Variants in KDF1 observed in about 807,000 individuals in gnomAD.
KDF1 encodes the protein RP11-344H11.3.
KDF1 carries 11 observed loss-of-function variants against 31.6 expected under a neutral mutation model. The ratio of observed to expected loss-of-function variants is 0.35; its 90% CI spans 0.22 to 0.58. The LOEUF (loss-of-function observed/expected upper bound fraction) is 0.58, where lower values mean the gene tolerates loss of function less well. Ranked by LOEUF, KDF1 falls within the 20% of genes least tolerant of loss-of-function variation. KDF1 has a pLI of 0.83. For missense variants in KDF1, 476 were observed against 549.1 expected (o/e 0.87, Z 1.33); for synonymous variants, 205 against 214.4 (o/e 0.96, Z 0.38).
rs761892290 is a variant in KDF1 at position 26,951,834 on chromosome 1, C to G, written c.547G>C (p.Asp183His). ...GGCTCCTTGCAGCAGGAGTCCGCAT[C>G]AGGGGCTGGGGAGGTGGCCCTCGGG... ...PYPRATSPAP[D>H]ADSCCKEPLA... Residue 183 changes from aspartate to histidine, a missense_variant, in exon 2 of 4, where the codon GAT (aspartate) becomes CAT (histidine). Asp to His is a moderately conservative substitution (Grantham distance 81). Coordinates refer to ENST00000320567, the MANE Select transcript of KDF1 (RefSeq NM_152365.3). This position sits in a 1 kb window ranked among gnomAD's most constrained non-coding sequence, Gnocchi z 5.4. 1.3e-5 allele frequency: 21 copies of G among 1,613,942 alleles called. No homozygotes were observed. The South Asian group carries it at 1.8e-4, about 14-fold the overall frequency.
rs534821230 is a variant in KDF1 at position 26,951,988 on chromosome 1, G to T, written c.393C>A (p.His131Gln). ...GATCAGGGCTGGGGGGCACTCCATT[G>T]TGCTCCTTGGCCCAGTTGGCTTCAG... Reference protein sequence around the residue: ...GTAEANWAKEHNGVPPSPDRA... With the variant: ...GTAEANWAKEQNGVPPSPDRA... Residue 131 changes from histidine to glutamine, a missense_variant, in exon 2 of 4, where the codon CAC becomes CAA. His to Gln is a conservative substitution (Grantham distance 24). This residue lies in a region of KDF1 where 330 missense variants were observed against 332.3 expected (regional missense o/e 0.99). Transcript: ENST00000320567. This position sits in a 1 kb window ranked among gnomAD's most constrained non-coding sequence, Gnocchi z 5.4. 1 of 1,611,636 alleles carries T rather than the reference G, an allele frequency of 6.2e-7. No homozygotes were observed. Among genetic ancestry groups the T allele is most frequent in the African/African-American group, 1.3e-5 (1 of 74,892 alleles).
At chr1:26,953,868 C>T (rs2082363542) in intron 1 of KDF1, among the ~76,000 whole-genome samples, 1 of 151,616 alleles carries the variant, frequency 6.6e-6, no homozygotes, top group Non-Finnish European at 1.5e-5. Context: ...GGTGGGAGGA[C>T]CACTTGAGCC....
rs2124155363 is a variant in KDF1, at chr1:26,951,178, G to C, written c.1039+164C>G. ...GCTCGGACCTCACCAGGAAGGGCCAGAGTGGGAGCTGGGGAGAGGGGATGC... is the reference window on the plus strand; with the variant it reads ...GCTCGGACCTCACCAGGAAGGGCCACAGTGGGAGCTGGGGAGAGGGGATGC... On this transcript the variant is annotated intron_variant, in intron 2 of 3. Coordinates refer to ENST00000320567, the MANE Select transcript of KDF1 (RefSeq NM_152365.3). This position sits in a 1 kb window ranked among gnomAD's most constrained non-coding sequence, Gnocchi z 5.4. Among the ~76,000 whole-genome samples the C allele has an allele frequency of 6.6e-6, 1 of 152,364 alleles. No individual in the cohort carries two copies. Among genetic ancestry groups the C allele is most frequent in the Non-Finnish European group, 1.5e-5 (1 of 68,042 alleles).
intron 1 of KDF1, among the ~76,000 whole-genome samples, chr1:26,959,783 A>T (rs2082392944): frequency 1.3e-5 from 2 of 151,934 alleles, no homozygotes; most frequent in African/African-American, 2.4e-5. Flanking sequence ...CAAGCCTCGG[A>T]CACCCGGCCG....
intron 1 of KDF1, among the ~76,000 whole-genome samples, chr1:26,956,364 C>G (rs2082377443): frequency 6.6e-6 from 1 of 152,182 alleles, no homozygotes; most frequent in African/African-American, 2.4e-5. Context: ...CTTCCATTCC[C>G]TCTTACTTGC....
Position 26,951,714 on chromosome 1 carries a change from C to A in KDF1, c.667G>T (p.Asp223Tyr), listed in dbSNP as rs746835693. The A allele has an allele frequency of 3.1e-6, 5 of 1,613,864 alleles. No individual in the cohort carries two copies. In the South Asian group the frequency reaches 4.4e-5, roughly 14 times the overall value. Reference sequence around the variant, plus strand: ...CTGCCCATCTCCGGCAGGTCCAGGTCCGACTCATGGAAAGAATAGTACTCC... The same window carrying A: ...CTGCCCATCTCCGGCAGGTCCAGGTACGACTCATGGAAAGAATAGTACTCC... Reference protein sequence around the residue: ...SEEYYSFHESDLDLPEMGSGS... With the variant: ...SEEYYSFHESYLDLPEMGSGS... The change falls in exon 2 of 4, where the codon GAC becomes TAC. Residue 223 changes from aspartate (D) to tyrosine (Y), a missense_variant. Around this residue, in one of 2 missense-constraint regions of KDF1, gnomAD observed 330 missense variants for 332.3 expected, o/e 0.99. Coordinates refer to ENST00000320567, the MANE Select transcript of KDF1 (RefSeq NM_152365.3). The surrounding 1 kb of genome is among the most constrained non-coding windows in gnomAD (Gnocchi z 5.4).
At chr1:26,956,360 T>C (rs879662628) in intron 1 of KDF1, among the ~76,000 whole-genome samples, 2 of 152,270 alleles carry the variant, frequency 1.3e-5, no homozygotes, top group Middle Eastern at 3.4e-3. Context: ...GCCACTTCCA[T>C]TCCCTCTTAC....
rs368782376 is a variant in KDF1 at position 26,959,100 on chromosome 1, T to G, written c.-33+1250A>C. On this transcript the variant is annotated intron_variant, in intron 1 of 3. Coordinates refer to ENST00000320567, the MANE Select transcript of KDF1 (RefSeq NM_152365.3). ...CTGAAGCTCAGAAAGGTGAAGTGACTGGCCCAGAGACACCTAGCAAGAGAG... is the reference window on the plus strand; with the variant it reads ...CTGAAGCTCAGAAAGGTGAAGTGACGGGCCCAGAGACACCTAGCAAGAGAG... Among the ~76,000 whole-genome samples, 5 of 152,332 alleles carry G rather than the reference T, an allele frequency of 3.3e-5. No individual in the cohort carries two copies. In the South Asian group the frequency reaches 1.0e-3, roughly 32 times the overall value.
At position 26,952,002 on chromosome 1, in the gene KDF1, A is replaced by G. The variant is rs1345345856; in HGVS notation, c.379T>C (p.Trp127Arg). Residue 127 changes from tryptophan to arginine, a missense_variant, in exon 2 of 4, where the codon TGG becomes CGG. Trp to Arg is a moderately radical substitution (Grantham distance 101). Around this residue, in one of 2 missense-constraint regions of KDF1, gnomAD observed 330 missense variants for 332.3 expected, o/e 0.99. Coordinates refer to ENST00000320567, the MANE Select transcript of KDF1 (RefSeq NM_152365.3). This position sits in a 1 kb window ranked among gnomAD's most constrained non-coding sequence, Gnocchi z 4.1. ...DSTEGTAEAN[W>R]AKEHNGVPPS... ...GGCACTCCATTGTGCTCCTTGGCCC[A>G]GTTGGCTTCAGCAGTCCCCTCAGTG... 3.1e-6 allele frequency: 5 copies of G among 1,612,682 alleles called. No individual in the cohort carries two copies. The highest frequency in any genetic ancestry group is 1.1e-5 in the South Asian group (1 of 91,048).
In KDF1 at chr1:26,952,969, G is replaced by A. The variant is rs2082359845; in HGVS notation, c.-32-557C>T. 6.6e-6 allele frequency among the ~76,000 whole-genome samples: 1 copy of A among 151,450 alleles called. No individual in the cohort carries two copies. The highest frequency in any genetic ancestry group is 1.9e-4 in the East Asian group (1 of 5,158). ...ATTGCACTCCAGCCTGGGCAACAGG[G>A]CGAGACTGTGTCTCAAAAAAAAAAA... On this transcript the variant is annotated intron_variant, in intron 1 of 3. Transcript: ENST00000320567. This position sits in a 1 kb window ranked among gnomAD's most constrained non-coding sequence, Gnocchi z 4.1.
In KDF1 at chr1:26,951,960, C is replaced by T. The variant is rs757023061; in HGVS notation, c.421G>A (p.Ala141Thr). Residue 141 changes from alanine to threonine, a missense_variant, in exon 2 of 4, where the codon GCA (alanine) becomes ACA (threonine). Around this residue, in one of 2 missense-constraint regions of KDF1, gnomAD observed 330 missense variants for 332.3 expected, o/e 0.99. Transcript: ENST00000320567. This position sits in a 1 kb window ranked among gnomAD's most constrained non-coding sequence, Gnocchi z 5.4. Reference protein sequence around the residue: ...HNGVPPSPDRAPPSRRDGQRL... With the variant: ...HNGVPPSPDRTPPSRRDGQRL... ...TGGCCATCCCGCCGGCTGGGGGGTG[C>T]ACGATCAGGGCTGGGGGGCACTCCA... 7 of 1,606,224 alleles carry T rather than the reference C, an allele frequency of 4.4e-6. No homozygotes were observed. The South Asian group carries it at 7.7e-5, about 18-fold the overall frequency.
rs747441456 is a variant in KDF1 at position 26,950,047 on chromosome 1, T to C, written c.*22A>G. On this transcript the variant is annotated 3_prime_UTR_variant, in exon 4 of 4. Transcript: ENST00000320567. This position sits in a 1 kb window ranked among gnomAD's most constrained non-coding sequence, Gnocchi z 4.0. ...GGCCATGCTTCTCCCAGAAAGGGTG[T>C]GGCAGCTGGGCCTGGCAGGGGTTAG... The C allele has an allele frequency of 2.5e-6, 4 of 1,602,088 alleles. No homozygotes were observed. Among genetic ancestry groups the C allele is most frequent in the South Asian group, 1.1e-5 (1 of 90,810 alleles).
chr1:26,957,179 C>T (rs984662316), intron 1 of KDF1, among the ~76,000 whole-genome samples: 2 of 152,184 alleles, frequency 1.3e-5, no homozygotes, highest in African/African-American at 4.8e-5. Context: ...CAAGTGATCT[C>T]CTGCCCTGGC....
chr1:26,955,575 GT>G (rs2082373906), intron 1 of KDF1, among the ~76,000 whole-genome samples: 1 of 152,184 alleles, frequency 6.6e-6, no homozygotes, highest in Non-Finnish European at 1.5e-5. Context: ...CCTGTGCTGG[GT>G]ACCGTAGAAC....
intron 1 of KDF1, among the ~76,000 whole-genome samples, chr1:26,953,975 A>T (rs1344998991): frequency 2.0e-5 from 2 of 101,014 alleles, no homozygotes; most frequent in Non-Finnish European, 2.8e-5. Context: ...AAAAAAAGAC[A>T]AATATTGTAA....
intron 1 of KDF1, among the ~76,000 whole-genome samples, chr1:26,958,428 C>T (rs573165148): frequency 9.3e-4 from 141 of 152,262 alleles, no homozygotes; most frequent in Non-Finnish European, 1.5e-3. Context: ...CCACCGCGCC[C>T]GGCCTAGCTG....
chr1:26,954,747 C>T (rs1269667485), intron 1 of KDF1, among the ~76,000 whole-genome samples: 5 of 147,970 alleles, frequency 3.4e-5, no homozygotes, highest in African/African-American at 1.2e-4. Context: ...GCAGGAGAAT[C>T]GCTTGAACTC....
chr1:26,960,304 CG>C lies in KDF1; in HGVS notation c.-33+45del, dbSNP rs1233247575. On this transcript the variant is annotated intron_variant, in intron 1 of 3. Transcript: ENST00000320567. This position sits in a 1 kb window ranked among gnomAD's most constrained non-coding sequence, Gnocchi z 4.9. The stretch of plus-strand genomic sequence containing the variant: ...CTCAGCTTCGGGGGGCTCCCGACAC[CG>C]GCGCCGCCCTGGCTTGCGCCCCCCT... 13 of 152,164 alleles carry C rather than the reference CG, an allele frequency of 8.5e-5. No individual in the cohort carries two copies. The highest frequency in any genetic ancestry group is 5.2e-4 in the Admixed American group (8 of 15,290). The allele number at this position is 152,164 out of a possible 1,614,324, so 9.4% of individuals were successfully genotyped here.
rs779492462 is a variant in KDF1, at chr1:26,952,058, C to T, written c.323G>A (p.Gly108Glu). ...CLQRCGACVR[G>E]CSPCLSTEDS... ...CTCAGTAGACAGGCAGGGGCTGCATCCCCGCACACAGGCTCCACAGCGCTG... is the reference window on the plus strand; with the variant it reads ...CTCAGTAGACAGGCAGGGGCTGCATTCCCGCACACAGGCTCCACAGCGCTG... Residue 108 changes from glycine to glutamate, a missense_variant, in exon 2 of 4, where the codon GGA (glycine) becomes GAA (glutamate). Physicochemically the swap from Gly to Glu is moderately conservative, Grantham distance 98. Transcript: ENST00000320567. The surrounding 1 kb of genome is among the most constrained non-coding windows in gnomAD (Gnocchi z 4.1). The T allele has an allele frequency of 6.2e-7, 1 of 1,613,400 alleles. No individual in the cohort carries two copies. The highest frequency in any genetic ancestry group is 8.5e-7 in the Non-Finnish European group (1 of 1,179,892).
Sources: allele counts gnomAD v4.1 joint callset (sites outside exome capture counted in the v4.1 genomes callset), GRCh38; gene constraint gnomAD v4.1.1; regional missense constraint gnomAD v4.1.1; non-coding constraint Gnocchi (gnomAD v3.1); transcripts MANE v1.5; gene names NCBI Gene and HGNC (gene_info 2026-07-23, HGNC 2026-07-21).